DYM: variants seen among roughly 807,000 people sequenced by gnomAD.
DYM encodes the protein dymeclin.
In DYM, 78 loss-of-function variants were observed where a neutral mutation model predicts 93.1. The ratio of observed to expected loss-of-function variants is 0.84; its 90% confidence interval spans 0.70 to 1.01. The LOEUF is 1.01. Among genes scored for constraint, DYM ranks in the 50% least tolerant of loss-of-function variants. The pLI, the probability that DYM is intolerant of heterozygous loss-of-function variation, is 0.00. For missense variants in DYM, 789 were observed against 845.0 expected, an observed-to-expected ratio of 0.93 and a Z score of 0.82; for synonymous variants, 321 against 319.7, an observed-to-expected ratio of 1.00 and a Z score of -0.04.
chr18:49,332,258 C>A lies in DYM; in HGVS notation c.621-252G>T, dbSNP rs1439312079. Among the ~76,000 whole-genome samples, 7 of 152,142 alleles carry A rather than the reference C, an allele frequency of 4.6e-5. No individual in the cohort carries two copies. In the East Asian group the frequency reaches 1.4e-3, roughly 29 times the overall value. On this transcript the variant is annotated intron_variant, in intron 7 of 17. Coordinates refer to ENST00000675505, the MANE Select transcript of DYM (RefSeq NM_001353214.3). ...ATCAAATTACTTAAATACTTTTTTT[C>A]TGCAGTGGGGAGAAACAAGGTCTGG...
chr18:49,392,149 G>C (rs552174299), intron 2 of DYM, among the ~76,000 whole-genome samples: 1 of 152,162 alleles, frequency 6.6e-6, no homozygotes, highest in African/African-American at 2.4e-5. Context: ...TAAATATATA[G>C]AAAAAAGATA....
rs1568344506 is a variant in DYM at position 49,378,711 on chromosome 18, C to A, written c.288-11G>T. The A allele has an allele frequency of 1.2e-6, 2 of 1,611,394 alleles. No individual in the cohort carries two copies. The highest frequency in any genetic ancestry group is 2.2e-5 in the East Asian group (1 of 44,670). ...CAAATGAAGATGTGGCTAGAAAGACCAAAATCATACAAGAATCAATATTTA... is the reference window on the plus strand; with the variant it reads ...CAAATGAAGATGTGGCTAGAAAGACAAAAATCATACAAGAATCAATATTTA... On this transcript the variant is annotated splice_polypyrimidine_tract_variant and intron_variant, in intron 4 of 17. Coordinates refer to ENST00000675505, the MANE Select transcript of DYM (RefSeq NM_001353214.3).
chr18:49,423,048 T>C (rs1013551935), intron 2 of DYM, among the ~76,000 whole-genome samples: 4 of 152,190 alleles, frequency 2.6e-5, no homozygotes, highest in East Asian at 1.9e-4. Context: ...GTGGACCTAA[T>C]AGACATCTAC....
At chr18:49,367,893 A>G (rs2066659412) in intron 5 of DYM, among the ~76,000 whole-genome samples, 1 of 150,044 alleles carries the variant, frequency 6.7e-6, no homozygotes, top group Non-Finnish European at 1.5e-5. Flanking sequence ...AATTATATTT[A>G]TTAAAAACTT....
intron 8 of DYM, among the ~76,000 whole-genome samples, chr18:49,316,115 C>T (rs2061917138): frequency 6.6e-6 from 1 of 152,120 alleles, no homozygotes; most frequent in Non-Finnish European, 1.5e-5. Flanking sequence ...AATCCCATCT[C>T]TACTAAAAAT....
chr18:49,435,932 G>A (rs867654396), intron 1 of DYM, among the ~76,000 whole-genome samples: 2 of 152,158 alleles, frequency 1.3e-5, no homozygotes, highest in Non-Finnish European at 2.9e-5. Context: ...TAAACATGAT[G>A]AGATATTAGG....
intron 17 of DYM, among the ~76,000 whole-genome samples, chr18:49,082,825 G>A (rs2078173608): frequency 6.6e-6 from 1 of 152,178 alleles, no homozygotes; most frequent in Non-Finnish European, 1.5e-5. Context: ...CAAGCACAAT[G>A]CTGAATACAT....
At position 49,036,620 on chromosome 18, in the gene DYM, C is replaced by G. The variant is rs2070712892; in HGVS notation, c.*7435G>C. ...AGGCTGGAGTGTGGTGCCATGACCA[C>G]AGCTCACTGCAGCCTCTACCTCCTG... On this transcript the variant is annotated 3_prime_UTR_variant, in exon 18 of 18. Coordinates refer to ENST00000675505, the MANE Select transcript of DYM (RefSeq NM_001353214.3). Among the ~76,000 whole-genome samples, 1 of 152,130 alleles carries G rather than the reference C, an allele frequency of 6.6e-6. No individual in the cohort carries two copies. The highest frequency in any genetic ancestry group is 6.5e-5 in the Admixed American group (1 of 15,282).
chr18:49,173,913 A>T (rs1049587022), intron 14 of DYM, among the ~76,000 whole-genome samples: 1 of 152,116 alleles, frequency 6.6e-6, no homozygotes, highest in African/African-American at 2.4e-5. Flanking sequence ...CAGAGTACAT[A>T]TTCTTGCCAT....
intron 1 of DYM, among the ~76,000 whole-genome samples, chr18:49,452,003 G>A (rs2082556969): frequency 6.6e-6 from 1 of 152,178 alleles, no homozygotes; most frequent in Non-Finnish European, 1.5e-5. Flanking sequence ...ACACTTGTGG[G>A]AATTGCTATA....
At chr18:49,164,978 A>T (rs2087681379) in intron 14 of DYM, among the ~76,000 whole-genome samples, 1 of 152,190 alleles carries the variant, frequency 6.6e-6, no homozygotes, top group African/African-American at 2.4e-5. Flanking sequence ...AATGTCAGAG[A>T]TTTTCAGACT....
chr18:49,323,791 A>G (rs1220382067), intron 8 of DYM, among the ~76,000 whole-genome samples: 1 of 152,204 alleles, frequency 6.6e-6, no homozygotes, highest in Admixed American at 6.5e-5. Flanking sequence ...TTTACCATCT[A>G]ACATCCTGTC....
intron 17 of DYM, among the ~76,000 whole-genome samples, chr18:49,056,836 C>T (rs370911992): frequency 1.3e-5 from 2 of 152,172 alleles, no homozygotes; most frequent in South Asian, 2.1e-4. Context: ...CGTGAGCCAC[C>T]GCGCCCGGCC....
chr18:49,369,855 C>T (rs1026370747), intron 5 of DYM, among the ~76,000 whole-genome samples: 18 of 152,216 alleles, frequency 1.2e-4, no homozygotes, highest in Non-Finnish European at 1.5e-5. Flanking sequence ...CAAAGCTGTA[C>T]TCACAGGTCA....
chr18:49,155,656 C>T (rs921810340), intron 15 of DYM, among the ~76,000 whole-genome samples: 5 of 152,188 alleles, frequency 3.3e-5, no homozygotes, highest in Non-Finnish European at 7.3e-5. Context: ...GTTACTGGCT[C>T]CTTTCACTTA....
intron 6 of DYM, among the ~76,000 whole-genome samples, chr18:49,359,126 A>G (rs2065813941): frequency 6.6e-6 from 1 of 152,172 alleles, no homozygotes; most frequent in Non-Finnish European, 1.5e-5. Context: ...TCTTTCTGTT[A>G]GAACACTCCA....
intron 16 of DYM, 38 bp downstream of exon 16, chr18:49,118,706 A>T (rs1164448712): frequency 3.2e-6 from 5 of 1,578,384 alleles, no homozygotes; most frequent in Admixed American, 1.7e-5. Flanking sequence ...TTTAATACTT[A>T]AAAAAGAATC....
intron 17 of DYM, among the ~76,000 whole-genome samples, chr18:49,095,344 C>T (rs775414111): frequency 6.6e-6 from 1 of 152,050 alleles, no homozygotes; most frequent in African/African-American, 2.4e-5. Context: ...CTAGTAACAT[C>T]TGTGGTAATA....
At chr18:49,408,314 C>T (rs2071764714) in intron 2 of DYM, among the ~76,000 whole-genome samples, 2 of 152,098 alleles carry the variant, frequency 1.3e-5, no homozygotes, top group African/African-American at 2.4e-5. Flanking sequence ...TTTATGTAGC[C>T]GATCTTACTG....
Sources: allele counts gnomAD v4.1 joint callset (sites outside exome capture counted in the v4.1 genomes callset), GRCh38; gene constraint gnomAD v4.1.1; transcripts MANE v1.5; gene names NCBI Gene and HGNC (gene_info 2026-07-23, HGNC 2026-07-21).